TRPC4: variants seen among roughly 807,000 people sequenced by gnomAD.
The protein encoded by TRPC4 is short transient receptor potential channel 4.
Under a neutral mutation model 99.4 loss-of-function variants are expected in TRPC4, and 49 were observed. The ratio of observed to expected loss-of-function variants is 0.49; its 90% CI spans 0.39 to 0.63. The LOEUF (loss-of-function observed/expected upper bound fraction) is 0.63. Ranked by LOEUF, TRPC4 falls within the 20% of genes least tolerant of loss-of-function variation. The pLI, the probability that TRPC4 is intolerant of heterozygous loss-of-function variation, is 0.00. For synonymous variants in TRPC4, 454 were observed against 425.9 expected (o/e 1.07, Z -0.81); for missense variants, 898 against 1,152.9 (o/e 0.78, Z 3.20).
intron 4 of TRPC4, among the ~76,000 whole-genome samples, chr13:37,684,616 T>C (rs1469775761): frequency 6.6e-6 from 1 of 152,110 alleles, no homozygotes; most frequent in Non-Finnish European, 1.5e-5. Context: ...CAATTCCTTG[T>C]TCATTACCTT....
rs1031266002 is a variant in TRPC4, at chr13:37,636,230, T to G, written c.*673A>C. On this transcript the variant is annotated 3_prime_UTR_variant, in exon 11 of 11. Coordinates refer to ENST00000379705, the MANE Select transcript of TRPC4 (RefSeq NM_016179.4). ...GGCGAGTTTTTTTCCTGACAAAATG[T>G]CGTTAAAAATCATCAGTCATCAAAA... 1.3e-5 allele frequency among the ~76,000 whole-genome samples: 2 copies of G among 151,912 alleles called. No homozygotes were observed. The highest frequency in any genetic ancestry group is 4.8e-5 in the African/African-American group (2 of 41,370).
At position 37,855,928 on chromosome 13, in the gene TRPC4, G is replaced by C. The variant is rs567018159; in HGVS notation, c.-28+13667C>G. 1.6e-3 allele frequency among the ~76,000 whole-genome samples: 246 copies of C among 151,750 alleles called. 2 individuals are homozygous for C. Among genetic ancestry groups the C allele is most frequent in the African/African-American group, 5.5e-3 (226 of 41,464 alleles). ...TAGCTGTAAGTGCCTACATCAGAAA[G>C]AGGAAAAACTTCAAATAAATGATTT... On this transcript the variant is annotated intron_variant, in intron 1 of 10. Coordinates refer to ENST00000379705, the MANE Select transcript of TRPC4 (RefSeq NM_016179.4).
At chr13:37,729,015 A>C (rs937516361) in intron 3 of TRPC4, among the ~76,000 whole-genome samples, 1 of 152,156 alleles carries the variant, frequency 6.6e-6, no homozygotes, top group African/African-American at 2.4e-5. Flanking sequence ...CATACCAAAA[A>C]TTAACTCAAA....
intron 2 of TRPC4, among the ~76,000 whole-genome samples, chr13:37,750,544 G>T (rs1206484990): frequency 6.6e-6 from 1 of 152,018 alleles, no homozygotes; most frequent in Non-Finnish European, 1.5e-5. Flanking sequence ...AGTCCTAAAA[G>T]TATGGCAAAT....
At chr13:37,771,418 G>A (rs1420322984) in intron 2 of TRPC4, among the ~76,000 whole-genome samples, 1 of 151,740 alleles carries the variant, frequency 6.6e-6, no homozygotes, top group Non-Finnish European at 1.5e-5. Context: ...TATCAAGAAT[G>A]CTGAGCATGA....
chr13:37,745,913 TG>T, intron 3 of TRPC4, 23 bp downstream of exon 3: 1 of 1,588,846 alleles, frequency 6.3e-7, no homozygotes. Flanking sequence ...GGCATTTTGA[TG>T]GATCAAGTCT....
chr13:37,785,385 G>A (rs1437019980), intron 1 of TRPC4, among the ~76,000 whole-genome samples: 1 of 151,962 alleles, frequency 6.6e-6, no homozygotes, highest in African/African-American at 2.4e-5. Context: ...ACATCCAAAA[G>A]TTTCATAATA....
intron 1 of TRPC4, among the ~76,000 whole-genome samples, chr13:37,829,439 C>A (rs1399771322): frequency 6.6e-6 from 1 of 152,048 alleles, no homozygotes; most frequent in Non-Finnish European, 1.5e-5. Flanking sequence ...GGGATAGCTT[C>A]AATTAAAACA....
chr13:37,808,123 A>G (rs1957577948), intron 1 of TRPC4, among the ~76,000 whole-genome samples: 1 of 152,104 alleles, frequency 6.6e-6, no homozygotes, highest in Non-Finnish European at 1.5e-5. Flanking sequence ...ATAACTATGA[A>G]GGAAATAATG....
chr13:37,707,769 C>T (rs1455936910), intron 3 of TRPC4, among the ~76,000 whole-genome samples: 1 of 152,054 alleles, frequency 6.6e-6, no homozygotes, highest in African/African-American at 2.4e-5. Flanking sequence ...CAAGACTATG[C>T]TTCTAGAACT....
chr13:37,856,100 T>A (rs931316476), intron 1 of TRPC4, among the ~76,000 whole-genome samples: 5 of 151,766 alleles, frequency 3.3e-5, no homozygotes, highest in African/African-American at 1.2e-4. Context: ...AAGTTTGTTT[T>A]TTGAAAAGAT....
rs1490119975 is a variant in TRPC4, at chr13:37,636,990, A to G, written c.2847T>C (p.His949=). ...CTATACTAGAGTCCTCTTCTTTTGC[A>G]TGTTTCTCCTTTGGTATTATAGGAA... ...DTVPIIPKEK[H]AKEEDSSIDY... is the part of the protein sequence containing the mutation. Residue 949 remains histidine, a synonymous_variant, in exon 11 of 11, where the codon CAT becomes CAC. Coordinates refer to ENST00000379705, the MANE Select transcript of TRPC4 (RefSeq NM_016179.4). 5.0e-6 allele frequency: 8 copies of G among 1,613,472 alleles called. No homozygotes were observed. Among genetic ancestry groups the G allele is most frequent in the Non-Finnish European group, 6.8e-6 (8 of 1,179,748 alleles).
At chr13:37,697,979 G>A (rs937763514) in intron 3 of TRPC4, among the ~76,000 whole-genome samples, 16 of 151,708 alleles carry the variant, frequency 1.1e-4, no homozygotes, top group African/African-American at 2.9e-4. Flanking sequence ...GTGTGTGAGC[G>A]TGCATGAGTT....
chr13:37,761,143 G>A (rs1956211506), intron 2 of TRPC4, among the ~76,000 whole-genome samples: 1 of 151,916 alleles, frequency 6.6e-6, no homozygotes, highest in African/African-American at 2.4e-5. Flanking sequence ...AAATATACTT[G>A]GAGTCTAATG....
rs150108690 is a variant in TRPC4 at position 37,716,411 on chromosome 13, C to A, written c.898-24076G>T. Among the ~76,000 whole-genome samples, 472 of 152,312 alleles carry A rather than the reference C, an allele frequency of 3.1e-3. 2 individuals are homozygous for A. The highest frequency in any genetic ancestry group is 0.011 in the African/African-American group (460 of 41,578). On this transcript the variant is annotated intron_variant, in intron 3 of 10. Transcript: ENST00000379705. ...CTCACTTGAATTTGCACTTCTATTT[C>A]ATACCAACTGTTCATTAGCAAAGGT... is the stretch of plus-strand genomic sequence containing the variant.
At position 37,637,612 on chromosome 13, in the gene TRPC4, T is replaced by G; in HGVS notation, c.2225A>C (p.Asp742Ala). The change falls in exon 11 of 11, where the codon GAC (aspartate) becomes GCC (alanine). Residue 742 changes from aspartate (D) to alanine (A), a missense_variant. By Grantham distance (126) the Asp-to-Ala change is moderately radical (BLOSUM62 -2). Coordinates refer to ENST00000379705, the MANE Select transcript of TRPC4 (RefSeq NM_016179.4). ...TEENFKELKQ[D>A]ISSFRFEVLG... ...GACTTCAAAGCGGAAACTAGAAATG[T>G]CTTGCTTTAGTTCCTACGTAGAATT... The G allele has an allele frequency of 1.3e-6, 2 of 1,587,328 alleles. No individual in the cohort carries two copies. Among genetic ancestry groups the G allele is most frequent in the Non-Finnish European group, 1.7e-6 (2 of 1,170,786 alleles).
chr13:37,840,086 G>A lies in TRPC4; in HGVS notation c.-28+29509C>T, dbSNP rs535759599. Among the ~76,000 whole-genome samples, 7 of 152,050 alleles carry A rather than the reference G, an allele frequency of 4.6e-5. 1 individual carries two copies. The highest frequency in any genetic ancestry group is 3.9e-4 in the Admixed American group (6 of 15,276). ...GTTTTCCTCTGAAAATTTGTTTACT[G>A]GTTATGTCAGTGGAAACTCCAGGAA... is the stretch of plus-strand genomic sequence containing the variant. On this transcript the variant is annotated intron_variant, in intron 1 of 10. Coordinates refer to ENST00000379705, the MANE Select transcript of TRPC4 (RefSeq NM_016179.4).
intron 5 of TRPC4, among the ~76,000 whole-genome samples, chr13:37,668,775 A>G (rs1952737493): frequency 1.3e-5 from 2 of 152,214 alleles, no homozygotes; most frequent in Admixed American, 6.5e-5. Context: ...GGTCAGTGAG[A>G]TTAAATAAGA....
At chr13:37,691,258 C>T (rs577439553) in intron 4 of TRPC4, among the ~76,000 whole-genome samples, 7 of 152,194 alleles carry the variant, frequency 4.6e-5, no homozygotes, top group African/African-American at 7.2e-5. Flanking sequence ...CCCGCCACCA[C>T]GCCCGGCTAA....
Sources: allele counts gnomAD v4.1 joint callset (sites outside exome capture counted in the v4.1 genomes callset), GRCh38; gene constraint gnomAD v4.1.1; transcripts MANE v1.5; gene names NCBI Gene and HGNC (gene_info 2026-07-23, HGNC 2026-07-21).